Variants in TUSC3 observed in about 807,000 individuals in gnomAD.
TUSC3 encodes the protein dolichyl-diphosphooligosaccharide--protein glycosyltransferase subunit TUSC3.
TUSC3 carries 45 observed loss-of-function variants against 44.8 expected under a neutral mutation model. The observed-to-expected ratio is 1.00, with a 90% CI of 0.79 to 1.29. TUSC3 has a LOEUF of 1.29. TUSC3 is among the 50% of genes most tolerant of loss of function. The probability of loss-of-function intolerance (pLI) is 0.00; values close to 1 mark genes in which losing one functional copy is unlikely to be tolerated. For synonymous variants in TUSC3, 212 were observed against 152.9 expected (o/e 1.39, Z -2.85); for missense variants, 519 against 437.9 (o/e 1.19, Z -1.65).
chr8:15,589,722 C>T (rs575367676), intron 1 of TUSC3, among the ~76,000 whole-genome samples: 20 of 151,870 alleles, frequency 1.3e-4, no homozygotes, highest in Non-Finnish European at 1.6e-4. Context: ...GTTTTTTGTA[C>T]ATCATTTATA....
chr8:15,738,827 C>CTTTTTTTTTTTTTTTTTTT (rs375655033), intron 7 of TUSC3, among the ~76,000 whole-genome samples: 7 of 87,170 alleles, frequency 8.0e-5, no homozygotes, highest in African/African-American at 1.9e-4. Flanking sequence ...ATATATCTTG[C>CTTTTTTTTTTTTTTTTTTT]TTTTTTTTTT....
At chr8:15,440,067 C>A (rs1041598431) in intron 1 of TUSC3, among the ~76,000 whole-genome samples, 4 of 152,170 alleles carry the variant, frequency 2.6e-5, no homozygotes, top group Non-Finnish European at 5.9e-5. Flanking sequence ...ATCAAATTAT[C>A]CCACTTACGC....
chr8:15,645,158 C>T (rs1257485364), intron 2 of TUSC3, among the ~76,000 whole-genome samples: 2 of 152,100 alleles, frequency 1.3e-5, no homozygotes, highest in African/African-American at 2.4e-5. Flanking sequence ...TTGTGAGATA[C>T]AGCATTCTCA....
chr8:15,661,832 A>G (rs1487059316), intron 4 of TUSC3, among the ~76,000 whole-genome samples: 4 of 151,902 alleles, frequency 2.6e-5, no homozygotes, highest in Admixed American at 6.6e-5. Flanking sequence ...GAGTCTTACA[A>G]CTTAAAAAGA....
intron 2 of TUSC3, among the ~76,000 whole-genome samples, chr8:15,507,489 T>C (rs1166412442): frequency 6.6e-6 from 1 of 152,166 alleles, no homozygotes; most frequent in Non-Finnish European, 1.5e-5. Flanking sequence ...TCTTTTTTTG[T>C]ATTTTTCAGA....
At position 15,448,181 on chromosome 8, in the gene TUSC3, C is replaced by T. The variant is rs769432988; in HGVS notation, n.91+30876C>T. ...TCATCCAGGCTAGAGTGCAGTGGCA[C>T]GATCTCAGCTCACTGCAACCTCTGC... On this transcript the variant is annotated intron_variant and non_coding_transcript_variant, in intron 1 of 5. Transcript: ENST00000503191. Among the ~76,000 whole-genome samples, 154 of 144,932 alleles carry T rather than the reference C, an allele frequency of 1.1e-3. 1 individual carries two copies. The highest frequency in any genetic ancestry group is 1.1e-3 in the Non-Finnish European group (71 of 66,262).
At chr8:15,692,193 A>G (rs967894031) in intron 6 of TUSC3, among the ~76,000 whole-genome samples, 2 of 152,038 alleles carry the variant, frequency 1.3e-5, no homozygotes, top group African/African-American at 4.8e-5. Flanking sequence ...TGGTGGATTA[A>G]CTTTTTGATG....
At chr8:15,611,231 G>T (rs953892695) in intron 1 of TUSC3, among the ~76,000 whole-genome samples, 8 of 152,146 alleles carry the variant, frequency 5.3e-5, no homozygotes, top group African/African-American at 1.7e-4. Flanking sequence ...CTGTCTCCCA[G>T]TCTGGAGGGC....
chr8:15,642,249 G>C (rs1027864471), intron 2 of TUSC3, among the ~76,000 whole-genome samples: 17 of 152,144 alleles, frequency 1.1e-4, no homozygotes, highest in Non-Finnish European at 7.4e-5. Flanking sequence ...TACTCAGATA[G>C]TTAACTGGTT....
intron 1 of TUSC3, among the ~76,000 whole-genome samples, chr8:15,474,880 C>T (rs1800554315): frequency 1.3e-5 from 2 of 152,192 alleles, no homozygotes; most frequent in African/African-American, 4.8e-5. Context: ...TACTAGCCTC[C>T]TAACAACCAG....
At chr8:15,610,148 T>G (rs1804699286) in intron 1 of TUSC3, among the ~76,000 whole-genome samples, 1 of 152,160 alleles carries the variant, frequency 6.6e-6, no homozygotes, top group African/African-American at 2.4e-5. Context: ...GTATTTTGTA[T>G]CGTTGTTTTT....
At chr8:15,493,803 A>G (rs1800842892) in intron 2 of TUSC3, among the ~76,000 whole-genome samples, 1 of 152,236 alleles carries the variant, frequency 6.6e-6, no homozygotes, top group Non-Finnish European at 1.5e-5. Context: ...GGAATGACCA[A>G]GTAGCCAATT....
chr8:15,764,158 C>T (rs1360953057), intron 10 of TUSC3, 45 bp from the exon 11 acceptor site: 1 of 1,510,482 alleles, frequency 6.6e-7, no homozygotes, highest in East Asian at 2.3e-5. Context: ...TTGTATTTTC[C>T]TTATGTTCTA....
chr8:15,435,184 C>A (rs535767631), intron 1 of TUSC3, among the ~76,000 whole-genome samples: 34 of 151,288 alleles, frequency 2.2e-4, no homozygotes, highest in Admixed American at 1.6e-3. Context: ...TCTCCACATC[C>A]TCTCCAGCAC....
the TUSC3 span, among the ~76,000 whole-genome samples, chr8:15,823,226 A>C: frequency 6.6e-6 from 1 of 152,170 alleles, no homozygotes; most frequent in South Asian, 2.1e-4. Context: ...CCGGAGCGCT[A>C]CCCAAAAGCC....
chr8:15,567,958 C>T (rs945435165), intron 1 of TUSC3, among the ~76,000 whole-genome samples: 1 of 152,070 alleles, frequency 6.6e-6, no homozygotes, highest in East Asian at 1.9e-4. Flanking sequence ...TGTAGGCCTC[C>T]ACTCCTTTTT....
intron 2 of TUSC3, among the ~76,000 whole-genome samples, chr8:15,532,497 G>A (rs1585078328): frequency 6.6e-6 from 1 of 152,178 alleles, no homozygotes; most frequent in East Asian, 1.9e-4. Flanking sequence ...TTTTTCTGAA[G>A]ACGGTCTGGG....
At chr8:15,428,683 C>T (rs1187879910) in intron 1 of TUSC3, among the ~76,000 whole-genome samples, 2 of 152,138 alleles carry the variant, frequency 1.3e-5, no homozygotes, top group Non-Finnish European at 2.9e-5. Context: ...GAGATGATAT[C>T]TCATTGTGGT....
rs542142701 is a variant in TUSC3, at chr8:15,500,422, T to A, written n.189+16939T>A. Among the ~76,000 whole-genome samples the A allele has an allele frequency of 7.9e-5, 12 of 152,292 alleles. No homozygotes were observed. The South Asian group carries it at 2.3e-3, about 29-fold the overall frequency. ...CTATAGTCATCACATTTTTAAAAAA[T>A]CACCATTGGGATTTTTTAGTCAATC... On this transcript the variant is annotated intron_variant and non_coding_transcript_variant, in intron 2 of 5. Coordinates refer to the TUSC3 transcript ENST00000503191.
Sources: allele counts gnomAD v4.1 joint callset (sites outside exome capture counted in the v4.1 genomes callset), GRCh38; gene constraint gnomAD v4.1.1; transcripts MANE v1.5; gene names NCBI Gene and HGNC (gene_info 2026-07-23, HGNC 2026-07-21).